The following SYT16 variants were observed in gnomAD, a reference collection of about 807,000 sequenced individuals.
The protein encoded by SYT16 is synaptotagmin-16.
Under a neutral mutation model 61.4 loss-of-function variants are expected in SYT16, and 42 were observed. The ratio of observed to expected loss-of-function variants is 0.68; its 90% CI spans 0.53 to 0.89. The LOEUF is 0.89. Ranked by LOEUF, SYT16 falls within the 40% of genes least tolerant of loss-of-function variation. The pLI is 0.00. For missense variants in SYT16, 804 were observed against 807.3 expected (o/e 1.00, Z 0.05); for synonymous variants, 314 against 302.3 (o/e 1.04, Z -0.40).
At chr14:61,955,318 C>T (rs896288177) in intron 1 of SYT16, among the ~76,000 whole-genome samples, 3 of 152,046 alleles carry the variant, frequency 2.0e-5, no homozygotes, top group African/African-American at 7.2e-5. Context: ...AAAATCTATC[C>T]TTTTAGCAAA....
chr14:61,950,509 C>A (rs1016572935), intron 1 of SYT16, among the ~76,000 whole-genome samples: 4 of 152,180 alleles, frequency 2.6e-5, no homozygotes, highest in African/African-American at 9.7e-5. Context: ...CAGTGCACAG[C>A]CCTTCTGGGT....
chr14:61,952,566 A>G (rs1193354316), intron 1 of SYT16, among the ~76,000 whole-genome samples: 1 of 152,208 alleles, frequency 6.6e-6, no homozygotes, highest in Non-Finnish European at 1.5e-5. Flanking sequence ...TAAACATGTA[A>G]AGCAGATAGG....
rs539680816 is a variant in SYT16 at position 61,851,019 on chromosome 14, C to T, written c.-325+38209C>T. Among the ~76,000 whole-genome samples the T allele has an allele frequency of 2.0e-5, 3 of 152,208 alleles. No individual in the cohort carries two copies. In the South Asian group the frequency reaches 6.2e-4, roughly 32 times the overall value. On this transcript the variant is annotated intron_variant, in intron 1 of 7. Coordinates refer to ENST00000683842, the MANE Select transcript of SYT16 (RefSeq NM_001367656.1). ...ATCATCCCATCACCTACGTATTAAG[C>T]CCAGCATCCATTAGCTGTTCTTCCT...
chr14:62,096,515 AGAT>A (rs1278654161), intron 7 of SYT16, among the ~76,000 whole-genome samples: 1 of 152,144 alleles, frequency 6.6e-6, no homozygotes, highest in African/African-American at 2.4e-5. Flanking sequence ...TACACACAGA[AGAT>A]AAAATAAATG....
chr14:62,004,754 A>C (rs2053156137), intron 3 of SYT16, among the ~76,000 whole-genome samples: 1 of 152,212 alleles, frequency 6.6e-6, no homozygotes, highest in African/African-American at 2.4e-5. Flanking sequence ...GCAGAAGACG[A>C]GGTTCCCCTC....
At chr14:61,972,507 TA>T (rs1229168769) in intron 2 of SYT16, among the ~76,000 whole-genome samples, 3 of 152,296 alleles carry the variant, frequency 2.0e-5, no homozygotes, top group East Asian at 3.9e-4. Context: ...AAGGGAGCTT[TA>T]AAAATAGTTT....
At chr14:61,819,224 T>C (rs547083026) in intron 1 of SYT16, among the ~76,000 whole-genome samples, 35 of 152,344 alleles carry the variant, frequency 2.3e-4, no homozygotes, top group Non-Finnish European at 4.0e-4. Context: ...ATTTGTCCTT[T>C]TAGATCACTA....
At chr14:62,065,263 A>G (rs758121632) in intron 3 of SYT16, among the ~76,000 whole-genome samples, 1 of 152,216 alleles carries the variant, frequency 6.6e-6, no homozygotes, top group African/African-American at 2.4e-5. Context: ...TGCTACGCTT[A>G]AGTCCCAACT....
chr14:61,965,810 A>G (rs924238264), intron 1 of SYT16, among the ~76,000 whole-genome samples: 2 of 152,036 alleles, frequency 1.3e-5, no homozygotes, highest in African/African-American at 2.4e-5. Context: ...GATGCAATTG[A>G]AGAAAACTCT....
chr14:61,982,328 A>C (rs1444459283), intron 2 of SYT16, among the ~76,000 whole-genome samples: 1 of 152,122 alleles, frequency 6.6e-6, no homozygotes, highest in Non-Finnish European at 1.5e-5. Context: ...GTAATTTATA[A>C]AGAAAAAGAA....
intron 1 of SYT16, among the ~76,000 whole-genome samples, chr14:61,877,328 T>C (rs547843940): frequency 6.6e-6 from 1 of 152,214 alleles, no homozygotes; most frequent in East Asian, 1.9e-4. Flanking sequence ...AGTCCGACAG[T>C]TAGGTCTGGG....
chr14:61,814,568 A>G (rs2045368912), intron 1 of SYT16, among the ~76,000 whole-genome samples: 1 of 152,194 alleles, frequency 6.6e-6, no homozygotes, highest in Admixed American at 6.5e-5. Context: ...ACTTCCTTAT[A>G]TGGTATACTC....
intron 1 of SYT16, among the ~76,000 whole-genome samples, chr14:61,819,466 G>A (rs900303499): frequency 2.0e-5 from 3 of 152,118 alleles, no homozygotes; most frequent in Admixed American, 6.5e-5. Context: ...ATTTATGGAT[G>A]GATATTACCC....
chr14:62,062,325 T>C (rs935884069), intron 3 of SYT16, among the ~76,000 whole-genome samples: 1 of 152,058 alleles, frequency 6.6e-6, no homozygotes, highest in African/African-American at 2.4e-5. Flanking sequence ...AATGAAGGAG[T>C]TTGTTTACAT....
intron 6 of SYT16, among the ~76,000 whole-genome samples, chr14:62,083,322 C>T (rs1396946774): frequency 6.6e-6 from 1 of 152,068 alleles, no homozygotes. Flanking sequence ...AGTCTAATGC[C>T]CTTGTTTCTG....
chr14:61,991,084 T>C (rs1043661062), intron 2 of SYT16, among the ~76,000 whole-genome samples: 1 of 152,182 alleles, frequency 6.6e-6, no homozygotes, highest in African/African-American at 2.4e-5. Flanking sequence ...ATTGTCAGTT[T>C]ATTCTGAGTA....
chr14:61,821,746 C>G (rs1168531620), intron 1 of SYT16, among the ~76,000 whole-genome samples: 1 of 152,190 alleles, frequency 6.6e-6, no homozygotes, highest in African/African-American at 2.4e-5. Context: ...TAGGTTCCTT[C>G]TTAACTCAAA....
At chr14:62,060,662 G>T (rs187189603) in intron 3 of SYT16, among the ~76,000 whole-genome samples, 1 of 151,920 alleles carries the variant, frequency 6.6e-6, no homozygotes, top group African/African-American at 2.4e-5. Context: ...CCTCTCTAGG[G>T]TAAACCTTAT....
intron 3 of SYT16, among the ~76,000 whole-genome samples, chr14:62,002,334 G>A (rs1255313683): frequency 6.6e-6 from 1 of 152,110 alleles, no homozygotes; most frequent in African/African-American, 2.4e-5. Context: ...TTACTACATT[G>A]TGTTTAGGGT....
Sources: gnomAD v4.1 joint callset for allele counts (sites outside exome capture counted in the v4.1 genomes callset) on GRCh38, gnomAD v4.1.1 for gene constraint, MANE v1.5 for transcripts, NCBI Gene and HGNC (gene_info 2026-07-23, HGNC 2026-07-21) for gene names.